Variants in IL6ST observed in about 807,000 individuals in gnomAD.
IL6ST encodes the protein interleukin-6 receptor subunit beta.
IL6ST carries 24 observed loss-of-function variants against 91.3 expected under a neutral mutation model. The ratio of observed to expected loss-of-function variants is 0.26; its 90% CI spans 0.19 to 0.37. The LOEUF (loss-of-function observed/expected upper bound fraction) is 0.37. Ranked by LOEUF, IL6ST falls within the 10% of genes least tolerant of loss-of-function variation. IL6ST has a pLI of 1.00. For synonymous variants in IL6ST, 351 were observed against 373.6 expected (o/e 0.94, Z 0.70); for missense variants, 914 against 1,078.5 (o/e 0.85, Z 2.14).
In IL6ST at chr5:55,963,290, A is replaced by G. The variant is rs144649211; in HGVS notation, c.813+62T>C. 901 of 1,201,998 alleles carry G rather than the reference A, an allele frequency of 7.5e-4. 4 individuals are homozygous for G. In the Middle Eastern group the frequency reaches 9.4e-3, roughly 13 times the overall value. 74.5% of individuals were successfully genotyped at this position (1,201,998 alleles called of 1,614,324 possible). A position where few individuals can be genotyped will look rare whatever the true frequency, so the allele number is the denominator to read the frequency against. Reference sequence around the variant, plus strand: ...TAAAGACATTTAGAAAATGACTGAAACTTTTTAAGATTAGAGGGTTGAAAG... The same window carrying G: ...TAAAGACATTTAGAAAATGACTGAAGCTTTTTAAGATTAGAGGGTTGAAAG... On this transcript the variant is annotated intron_variant, in intron 7 of 16. Coordinates refer to ENST00000381298, the MANE Select transcript of IL6ST (RefSeq NM_002184.4).
intron 15 of IL6ST, among the ~76,000 whole-genome samples, chr5:55,946,089 A>G (rs367622537): frequency 6.6e-6 from 1 of 152,226 alleles, no homozygotes; most frequent in Admixed American, 6.5e-5. Flanking sequence ...AAAATGGGTA[A>G]AAGATTTCAA....
At chr5:55,945,324 TGA>T (rs1381377796) in intron 15 of IL6ST, among the ~76,000 whole-genome samples, 2 of 152,004 alleles carry the variant, frequency 1.3e-5, no homozygotes, top group African/African-American at 4.8e-5. Context: ...GAAACAGAAG[TGA>T]GAGTATGGAA....
chr5:55,989,355 T>C (rs1754183457), intron 1 of IL6ST, among the ~76,000 whole-genome samples: 2 of 151,834 alleles, frequency 1.3e-5, no homozygotes, highest in Admixed American at 6.6e-5. Context: ...ACTGGCTCCA[T>C]AAGCAAAAAA....
chr5:55,964,987 T>C (rs996852668), intron 5 of IL6ST, among the ~76,000 whole-genome samples: 15 of 152,174 alleles, frequency 9.9e-5, no homozygotes, highest in African/African-American at 3.1e-4. Flanking sequence ...GAATAGAATA[T>C]AGACTTTTCT....
rs200652995 is a variant in IL6ST, at chr5:55,941,794, A to G, written c.2045T>C (p.Met682Thr). 1.1e-4 allele frequency: 179 copies of G among 1,610,754 alleles called. No homozygotes were observed. The highest frequency in any genetic ancestry group is 1.3e-4 in the Non-Finnish European group (158 of 1,178,868). ...ATCAGTGAAATTGCCATCTGAATAC[A>G]TTTGATCTTTTGAATTAAAATTGTG... The part of the protein sequence containing the change: ...PRHNFNSKDQ[M>T]YSDGNFTDVS... Residue 682 changes from methionine (M) to threonine (T), a missense_variant, in exon 17 of 17, where the codon ATG becomes ACG. Transcript: ENST00000381298.
chr5:55,959,576 C>T, intron 8 of IL6ST: 2 of 923,676 alleles, frequency 2.2e-6, no homozygotes, highest in Non-Finnish European at 3.0e-6. Context: ...CTTTTTTATT[C>T]TATATCATAT....
At chr5:55,948,014 G>T (rs1386853688) in intron 14 of IL6ST, among the ~76,000 whole-genome samples, 1 of 152,008 alleles carries the variant, frequency 6.6e-6, no homozygotes, top group Non-Finnish European at 1.5e-5. Context: ...TGGGTAAAAT[G>T]GAAAAGCTAT....
In IL6ST at chr5:55,941,492, T is replaced by A; in HGVS notation, c.2347A>T (p.Thr783Ser). Residue 783 changes from threonine (T) to serine (S), a missense_variant, in exon 17 of 17, where the codon ACC (threonine) becomes TCC (serine). By Grantham distance (58) the Thr-to-Ser change is moderately conservative. Transcript: ENST00000381298. ...TCCTCTGAATCTAACAAGGGCTGGG[T>A]AGACTCGGATCTTGAGAAGACTTGG... ...SVQVFSRSES[T>S]QPLLDSEERP... 1.2e-6 allele frequency: 2 copies of A among 1,614,192 alleles called. No homozygotes were observed. Among genetic ancestry groups the A allele is most frequent in the South Asian group, 1.1e-5 (1 of 91,084 alleles).
At position 55,942,833 on chromosome 5, in the gene IL6ST, AAG is replaced by A. The variant is rs1263549247; in HGVS notation, c.1938-84_1938-83del. The A allele has an allele frequency of 5.3e-6, 4 of 749,238 alleles. No individual in the cohort carries two copies. The African/African-American group carries it at 7.0e-5, about 13-fold the overall frequency. 46.4% of individuals were successfully genotyped at this position (749,238 alleles called of 1,614,324 possible). A position where few individuals can be genotyped will look rare whatever the true frequency, so the allele number is the denominator to read the frequency against. ...TCCCTATTTCTAAACATGTTCATCA[AAG>A]ACTCTTACAAACCAAACCAATTACC... On this transcript the variant is annotated intron_variant, in intron 15 of 16. Transcript: ENST00000381298.
rs748281414 is a variant in IL6ST at position 55,941,805 on chromosome 5, T to G, written c.2034A>C (p.Ser678=). The G allele has an allele frequency of 6.2e-7, 1 of 1,610,308 alleles. No individual in the cohort carries two copies. The highest frequency in any genetic ancestry group is 8.5e-7 in the Non-Finnish European group (1 of 1,178,594). The part of the protein sequence containing the change: ...PHTPPRHNFN[S]KDQMYSDGNF... ...TGCCATCTGAATACATTTGATCTTT[T>G]GAATTAAAATTGTGCTAAGGAAGAG... is the stretch of plus-strand genomic sequence containing the variant. Residue 678 remains serine (S), a synonymous_variant, in exon 17 of 17, where the codon TCA becomes TCC. Transcript: ENST00000381298.
rs71602925 is a variant in IL6ST, at chr5:55,947,592, T to TAAAAAAAAAA, written c.1841-13_1841-4dup. The TAAAAAAAAAA allele has an allele frequency of 4.8e-5, 19 of 392,216 alleles. No individual in the cohort carries two copies. The highest frequency in any genetic ancestry group is 5.6e-5 in the Admixed American group (1 of 18,006). The allele number at this position is 392,216 out of a possible 1,614,324, so 24.3% of individuals were successfully genotyped here. ...TATGGCTTCAATTTCTCCTTGAGCT[T>TAAAAAAAAAA]AAAAAAAAAAAAAAAAAAAAAAAAA... On this transcript the variant is annotated splice_polypyrimidine_tract_variant and splice_region_variant and intron_variant, in intron 14 of 16. Transcript: ENST00000381298.
intron 1 of IL6ST, among the ~76,000 whole-genome samples, chr5:55,985,538 A>AAT (rs2111916710): frequency 6.6e-6 from 1 of 151,974 alleles, no homozygotes; most frequent in African/African-American, 2.4e-5. Context: ...AAAAAATATA[A>AAT]AAAATAAAAA....
intron 2 of IL6ST, among the ~76,000 whole-genome samples, chr5:55,977,077 A>AATT (rs1187358873): frequency 1.3e-5 from 2 of 152,156 alleles, no homozygotes; most frequent in Non-Finnish European, 2.9e-5. Flanking sequence ...CCAACTGCTG[A>AATT]ATGTATAAAC....
At chr5:55,966,506 A>T (rs1219859227) in intron 5 of IL6ST, among the ~76,000 whole-genome samples, 2 of 152,290 alleles carry the variant, frequency 1.3e-5, no homozygotes, top group South Asian at 4.1e-4. Context: ...ACTATATGTA[A>T]ATTTTATTTA....
chr5:55,984,749 T>G (rs1414080608), intron 1 of IL6ST, among the ~76,000 whole-genome samples: 1 of 152,136 alleles, frequency 6.6e-6, no homozygotes, highest in Non-Finnish European at 1.5e-5. Context: ...GGATTTGGGA[T>G]GCTTAACTTT....
intron 15 of IL6ST, 64 bp from the exon 16 acceptor site, chr5:55,942,815 T>A (rs1191811283): frequency 2.3e-6 from 2 of 855,606 alleles, no homozygotes; most frequent in Admixed American, 2.1e-5. Context: ...TAGTCCCTAT[T>A]TCTAAACATG....
At chr5:55,947,460 G>A in intron 15 of IL6ST, 33 bp downstream of exon 15, 2 of 1,197,450 alleles carry the variant, frequency 1.7e-6, no homozygotes, top group South Asian at 1.3e-5. Context: ...TAAAGCTGGG[G>A]GAAAATGCAA....
chr5:55,959,205 C>G (rs951539326), intron 8 of IL6ST, among the ~76,000 whole-genome samples: 4 of 152,180 alleles, frequency 2.6e-5, no homozygotes, highest in African/African-American at 9.7e-5. Flanking sequence ...CCCCATGTAT[C>G]TCATTTTAAG....
intron 1 of IL6ST, among the ~76,000 whole-genome samples, chr5:55,986,251 C>A (rs888697874): frequency 6.6e-6 from 1 of 152,210 alleles, no homozygotes; most frequent in African/African-American, 2.4e-5. Flanking sequence ...CTTCTCCTTG[C>A]AGTTTTTACC....
Sources: allele counts gnomAD v4.1 joint callset (sites outside exome capture counted in the v4.1 genomes callset), GRCh38; gene constraint gnomAD v4.1.1; transcripts MANE v1.5; gene names NCBI Gene and HGNC (gene_info 2026-07-23, HGNC 2026-07-21).